Variants in DSG1 observed in about 807,000 individuals in gnomAD.
DSG1 encodes the protein desmoglein 1.
In DSG1, 39 loss-of-function variants were observed where a neutral mutation model predicts 97.5. That is an observed-to-expected ratio of 0.40 (90% CI 0.31 to 0.52). The LOEUF is 0.52. Ranked by LOEUF, DSG1 falls within the 20% of genes least tolerant of loss-of-function variation. DSG1 has a pLI of 0.53. For missense variants in DSG1, 1,311 were observed against 1,295.4 expected (o/e 1.01, Z -0.18); for synonymous variants, 475 against 443.4 (o/e 1.07, Z -0.90).
chr18:31,339,445 G>T (rs2071774653), intron 10 of DSG1, among the ~76,000 whole-genome samples: 1 of 151,864 alleles, frequency 6.6e-6, no homozygotes, highest in Admixed American at 6.6e-5. Context: ...GTTTTGTTTT[G>T]CTTCTTTCTG....
chr18:31,354,289 A>G lies in DSG1; in HGVS notation c.2101-8A>G. 6.2e-7 allele frequency: 1 copy of G among 1,612,538 alleles called. No individual in the cohort carries two copies. Among genetic ancestry groups the G allele is most frequent in the Admixed American group, 1.7e-5 (1 of 60,030 alleles). ...TAATTTCATTTTCTCTTTCTCCTAT[A>G]AATTCAGAAAGCATATGCTTACGCA... On this transcript the variant is annotated splice_polypyrimidine_tract_variant and splice_region_variant and intron_variant, in intron 14 of 14. Transcript: ENST00000257192.
intron 11 of DSG1, among the ~76,000 whole-genome samples, chr18:31,342,074 C>A (rs2071793160): frequency 6.6e-6 from 1 of 151,976 alleles, no homozygotes. Context: ...GCTGGGACTA[C>A]CCATGTGCAC....
Position 31,354,834 on chromosome 18 carries a change from A to C in DSG1, c.2638A>C (p.Met880Leu), listed in dbSNP as rs370411918. 1 of 1,614,008 alleles carries C rather than the reference A, an allele frequency of 6.2e-7. No homozygotes were observed. Among genetic ancestry groups the C allele is most frequent in the African/African-American group, 1.3e-5 (1 of 74,902 alleles). Residue 880 changes from methionine (M) to leucine (L), a missense_variant, in exon 15 of 15, where the codon ATG becomes CTG. Coordinates refer to ENST00000257192, the MANE Select transcript of DSG1 (RefSeq NM_001942.4). ...AATCTCTGGCGCTGATTTGCATGGAATGTTAGAGATGCCTGACTTGCGAGA... is the reference window on the plus strand; with the variant it reads ...AATCTCTGGCGCTGATTTGCATGGACTGTTAGAGATGCCTGACTTGCGAGA... ...GPISGADLHG[M>L]LEMPDLRDGS... is the part of the protein sequence containing the mutation.
intron 14 of DSG1, among the ~76,000 whole-genome samples, chr18:31,349,466 A>G (rs1435411512): frequency 3.3e-5 from 5 of 150,732 alleles, no homozygotes; most frequent in Admixed American, 1.3e-4. Context: ...TTTTGGTTCC[A>G]TATGAACTTT....
chr18:31,318,951 A>G (rs969978511), intron 1 of DSG1, among the ~76,000 whole-genome samples: 1 of 152,176 alleles, frequency 6.6e-6, no homozygotes, highest in African/African-American at 2.4e-5. Context: ...AAACGGCAGT[A>G]CAGGAGGTTT....
chr18:31,343,246 T>A, intron 11 of DSG1: 1 of 645,376 alleles, frequency 1.5e-6, no homozygotes, highest in South Asian at 1.8e-5. Context: ...TAAAATAAAC[T>A]AAAATTGACT....
intron 10 of DSG1, among the ~76,000 whole-genome samples, chr18:31,339,026 A>G (rs900705074): frequency 9.8e-5 from 15 of 152,320 alleles, no homozygotes; most frequent in African/African-American, 3.6e-4. Flanking sequence ...AATAAAGATT[A>G]CAAAAATAAC....
intron 8 of DSG1, among the ~76,000 whole-genome samples, chr18:31,335,352 T>C (rs531285484): frequency 1.3e-5 from 2 of 152,318 alleles, no homozygotes; most frequent in African/African-American, 4.8e-5. Flanking sequence ...TATTTAGGAT[T>C]CAATACTGGG....
chr18:31,318,866 A>G (rs1453217989), intron 1 of DSG1, among the ~76,000 whole-genome samples: 1 of 152,142 alleles, frequency 6.6e-6, no homozygotes, highest in Non-Finnish European at 1.5e-5. Flanking sequence ...ATATTTGGTT[A>G]GAATCTGTAT....
chr18:31,323,221 C>G (rs989635101), intron 1 of DSG1, among the ~76,000 whole-genome samples: 3 of 152,192 alleles, frequency 2.0e-5, no homozygotes, highest in African/African-American at 7.2e-5. Context: ...ATCTCCATCA[C>G]AGCCTCCATA....
At chr18:31,340,665 A>C (rs890081504) in intron 11 of DSG1, among the ~76,000 whole-genome samples, 4 of 152,160 alleles carry the variant, frequency 2.6e-5, no homozygotes, top group African/African-American at 9.7e-5. Flanking sequence ...AACACAATAC[A>C]AGGGGAAAAA....
At chr18:31,339,695 C>T (rs8090965) in intron 10 of DSG1, 49 bp from the exon 11 acceptor site, 1 of 1,427,062 alleles carries the variant, frequency 7.0e-7, no homozygotes, top group Non-Finnish European at 9.9e-7. Context: ...TCCAACCATT[C>T]CTACACTAAA....
At chr18:31,328,451 T>C in intron 4 of DSG1, 107 bp downstream of exon 4, 1 of 1,173,740 alleles carries the variant, frequency 8.5e-7, no homozygotes, top group South Asian at 1.3e-5. Flanking sequence ...ATATTTGGCA[T>C]TTTTGGTTGT....
intron 10 of DSG1, 70 bp from the exon 11 acceptor site, chr18:31,339,674 A>G: frequency 1.1e-5 from 14 of 1,222,426 alleles, no homozygotes; most frequent in Non-Finnish European, 1.7e-5. Context: ...GTAAAAAATA[A>G]TTCTGTGTTG....
intron 1 of DSG1, among the ~76,000 whole-genome samples, chr18:31,321,421 G>C (rs1233539328): frequency 6.6e-6 from 1 of 152,146 alleles, no homozygotes; most frequent in Admixed American, 6.5e-5. Flanking sequence ...ATGTAGTATA[G>C]AGATCAGTGT....
intron 1 of DSG1, among the ~76,000 whole-genome samples, chr18:31,322,185 A>T (rs1284559219): frequency 6.6e-6 from 1 of 152,214 alleles, no homozygotes; most frequent in Non-Finnish European, 1.5e-5. Context: ...CAAGACTGTA[A>T]GTTATTTGAA....
intron 1 of DSG1, among the ~76,000 whole-genome samples, chr18:31,323,149 T>C (rs1316418223): frequency 6.6e-6 from 1 of 152,222 alleles, no homozygotes; most frequent in Non-Finnish European, 1.5e-5. Context: ...CCCTATCCAC[T>C]GGGCAAAACA....
rs2071665283 is a variant in DSG1, at chr18:31,323,347, C to T, written c.49-3234C>T. Among the ~76,000 whole-genome samples the T allele has an allele frequency of 2.0e-5, 3 of 152,136 alleles. No homozygotes were observed. In the South Asian group the frequency reaches 6.2e-4, roughly 32 times the overall value. ...CATTTAGGAGAGTGTCCTCCAATTT[C>T]CCTTCCCCAGTTTATTGATTTTAAT... On this transcript the variant is annotated intron_variant, in intron 1 of 14. Transcript: ENST00000257192.
chr18:31,331,280 A>G (rs2071719298), intron 5 of DSG1, among the ~76,000 whole-genome samples: 1 of 152,126 alleles, frequency 6.6e-6, no homozygotes, highest in Non-Finnish European at 1.5e-5. Context: ...TTCAGTAAGG[A>G]TGGCAGTAAT....
Sources: gnomAD v4.1 joint callset for allele counts (sites outside exome capture counted in the v4.1 genomes callset) on GRCh38, gnomAD v4.1.1 for gene constraint, MANE v1.5 for transcripts, NCBI Gene and HGNC (gene_info 2026-07-23, HGNC 2026-07-21) for gene names.